PDE4DIP: variants seen among roughly 807,000 people sequenced by gnomAD.
PDE4DIP encodes the protein phosphodiesterase 4D interacting protein, also known as myomegalin.
In PDE4DIP, 59 loss-of-function variants were observed where a neutral mutation model predicts 221.4. The observed-to-expected ratio is 0.27, with a 90% CI of 0.22 to 0.33. The LOEUF is 0.33. Among genes scored for constraint, PDE4DIP ranks in the 10% least tolerant of loss-of-function variants. The pLI is 1.00. For synonymous variants in PDE4DIP, 404 were observed against 815.9 expected, an observed-to-expected ratio of 0.50 and a Z score of 8.60; for missense variants, 1,036 against 2,154.2, an observed-to-expected ratio of 0.48 and a Z score of 10.28.
chr1:148,968,788 A>T (rs782478519), intron 13 of PDE4DIP, 48 bp from the exon 17 acceptor site: 1 of 1,008,880 alleles, frequency 9.9e-7, no homozygotes, highest in South Asian at 1.4e-5. Flanking sequence ...GATATTTAGC[A>T]GAGGCATTTC....
intron 5 of PDE4DIP, among the ~76,000 whole-genome samples, chr1:148,944,871 G>A (rs2477087): frequency 0.018 from 2,762 of 151,770 alleles, 98 homozygotes; most frequent in African/African-American, 0.063. Context: ...TCTCCGTCTC[G>A]GAAAAAAACA....
chr1:149,014,230 TTA>T (rs1258130990), intron 32 of PDE4DIP, among the ~76,000 whole-genome samples: 10 of 95,102 alleles, frequency 1.1e-4, no homozygotes, highest in Non-Finnish European at 1.7e-4. Context: ...GCTCCAGGTT[TTA>T]TGTTTCTGTT....
chr1:149,012,806 A>T, intron 32 of PDE4DIP, 30 bp downstream of exon 35: 1 of 1,404,382 alleles, frequency 7.1e-7, no homozygotes, highest in Non-Finnish European at 9.9e-7. Flanking sequence ...TGTGCTTGCG[A>T]TTGGCAGCCC....
rs1420003677 is a variant in PDE4DIP at position 148,930,399 on chromosome 1, C to T, written c.218+1126C>T. The T allele has an allele frequency of 2.0e-5, 3 of 151,482 alleles. No homozygotes were observed. In the East Asian group the frequency reaches 5.9e-4, roughly 30 times the overall value. 9.4% of individuals were successfully genotyped at this position (151,482 alleles called of 1,614,324 possible). The stretch of plus-strand genomic sequence containing the variant: ...GGGTGTGGTGGCAGTCGCCTGTAGT[C>T]CCAGCTACTTGGGAGGCTGAGGCAG... On this transcript the variant is annotated intron_variant, in intron 2 of 43. Coordinates refer to ENST00000369354, the Ensembl canonical transcript of PDE4DIP.
At chr1:148,956,047 A>G (rs1442596765) in intron 5 of PDE4DIP, among the ~76,000 whole-genome samples, 1 of 152,166 alleles carries the variant, frequency 6.6e-6, no homozygotes, top group Non-Finnish European at 1.5e-5. Flanking sequence ...TAAGCTCCTT[A>G]AGAGCCTTAT....
chr1:149,001,967 C>G lies in PDE4DIP; in HGVS notation c.3514C>G (p.Pro1172Ala), dbSNP rs140868241. ...AGAGGAGGGGAATGTGACTGTGAGG[C>G]CTTTCCCCAGACCCCAGAGCCTTGA... is the stretch of plus-strand genomic sequence containing the variant. Residue 1172 changes from proline to alanine, a missense_variant, in exon 24 of 44, where the codon CCT (proline) becomes GCT (alanine). Transcript: ENST00000369354. 122 of 1,127,146 alleles carry G rather than the reference C, an allele frequency of 1.1e-4. No homozygotes were observed. The African/African-American group carries it at 1.7e-3, about 15-fold the overall frequency. The allele number at this position is 1,127,146 out of a possible 1,614,324, so 69.8% of individuals were successfully genotyped here.
At chr1:149,025,427 G>A (rs1309049412) in intron 38 of PDE4DIP, among the ~76,000 whole-genome samples, 4 of 152,010 alleles carry the variant, frequency 2.6e-5, no homozygotes, top group Admixed American at 6.6e-5. Context: ...GATTTATTTC[G>A]GGTGGTCATC....
chr1:148,965,075 T>C (rs1281583639), intron 9 of PDE4DIP, among the ~76,000 whole-genome samples: 12 of 152,066 alleles, frequency 7.9e-5, no homozygotes, highest in Admixed American at 6.6e-5. Flanking sequence ...TAAAGATTAC[T>C]GACTTTATTA....
At chr1:148,954,807 A>G (rs1433602999) in intron 5 of PDE4DIP, among the ~76,000 whole-genome samples, 3 of 152,174 alleles carry the variant, frequency 2.0e-5, no homozygotes, top group African/African-American at 7.2e-5. Context: ...TTTGTGAAAC[A>G]TTCTGGCATG....
intron 23 of PDE4DIP, among the ~76,000 whole-genome samples, chr1:149,000,757 A>G (rs1330596805): frequency 6.6e-6 from 1 of 151,042 alleles, no homozygotes; most frequent in Non-Finnish European, 1.5e-5. Flanking sequence ...CGTATATGCA[A>G]TTTCATTTAA....
At chr1:149,025,369 T>C (rs1553626277) in intron 38 of PDE4DIP, among the ~76,000 whole-genome samples, 1 of 151,704 alleles carries the variant, frequency 6.6e-6, no homozygotes, top group Admixed American at 6.6e-5. Flanking sequence ...GGTAAAATGT[T>C]CCTGCCCCTA....
intron 20 of PDE4DIP, among the ~76,000 whole-genome samples, chr1:148,980,455 A>G (rs2060899748): frequency 6.6e-6 from 1 of 152,194 alleles, no homozygotes; most frequent in Non-Finnish European, 1.5e-5. Context: ...CATCAAAGAA[A>G]ATATATTAAT....
chr1:148,976,647 CA>C (rs2060224927), intron 17 of PDE4DIP, among the ~76,000 whole-genome samples: 1 of 151,838 alleles, frequency 6.6e-6, no homozygotes, highest in African/African-American at 2.4e-5. Context: ...GAGATACAGA[CA>C]ATAAATAAAT....
chr1:148,911,995 C>T (rs2042855039), intron 1 of PDE4DIP, among the ~76,000 whole-genome samples: 1 of 146,776 alleles, frequency 6.8e-6, no homozygotes, highest in Admixed American at 6.8e-5. Flanking sequence ...AGTCGCAGGG[C>T]CTGCTCATAC....
chr1:148,923,579 T>C (rs1205813273), intron 1 of PDE4DIP, among the ~76,000 whole-genome samples: 1 of 140,966 alleles, frequency 7.1e-6, no homozygotes, highest in African/African-American at 3.0e-5. Context: ...GTTCACGCCA[T>C]TCTCCTGCCT....
chr1:148,820,549 C>G (rs1393647520), intron 1 of PDE4DIP, among the ~76,000 whole-genome samples: 1 of 100,466 alleles, frequency 1.0e-5, no homozygotes, highest in Admixed American at 1.2e-4. Context: ...CCTGGAAACT[C>G]CATCTCAAAA....
intron 4 of PDE4DIP, among the ~76,000 whole-genome samples, chr1:148,936,737 T>C (rs2049278181): frequency 6.6e-6 from 1 of 152,204 alleles, no homozygotes; most frequent in African/African-American, 2.4e-5. Flanking sequence ...TTTTTAAACT[T>C]TTTTGTTACA....
chr1:148,962,231 T>C, exon 8 of PDE4DIP: 1 of 1,010,410 alleles, frequency 9.9e-7, no homozygotes, highest in East Asian at 2.4e-5. Flanking sequence ...AAGGTCAAAA[T>C]GACACAATGG....
intron 2 of PDE4DIP, 70 bp from the exon 6 acceptor site, chr1:148,931,730 A>G (rs2048046212): frequency 8.7e-7 from 1 of 1,152,686 alleles, no homozygotes; most frequent in Non-Finnish European, 1.3e-6. Flanking sequence ...TTTATCAAAG[A>G]ACAACCTTAA....
Sources: gnomAD v4.1 joint callset for allele counts (sites outside exome capture counted in the v4.1 genomes callset) on GRCh38, gnomAD v4.1.1 for gene constraint, MANE v1.5 for transcripts, NCBI Gene and HGNC (gene_info 2026-07-23, HGNC 2026-07-21) for gene names.